Variants in ZC3H11A observed in about 807,000 individuals in gnomAD.
ZC3H11A encodes the protein zinc finger CCCH domain-containing protein 11A.
A neutral mutation model predicts 90.8 loss-of-function variants in ZC3H11A; 22 were observed. That is an observed-to-expected ratio of 0.24 (90% CI 0.17 to 0.35). The LOEUF (loss-of-function observed/expected upper bound fraction) is 0.35, where lower values mean the gene tolerates loss of function less well. ZC3H11A is among the 10% of genes least tolerant of loss of function. The probability of loss-of-function intolerance (pLI) is 1.00; values close to 1 mark genes in which losing one functional copy is unlikely to be tolerated. For missense variants in ZC3H11A, 701 were observed against 964.9 expected (o/e 0.73, Z 3.62); for synonymous variants, 294 against 339.8 (o/e 0.87, Z 1.48).
At chr1:203,814,199 C>G (rs556206507) in intron 2 of ZC3H11A, among the ~76,000 whole-genome samples, 1 of 152,120 alleles carries the variant, frequency 6.6e-6, no homozygotes, top group Non-Finnish European at 1.5e-5. Context: ...CCAACACAAC[C>G]CAATTCTAAG....
intron 12 of ZC3H11A, among the ~76,000 whole-genome samples, chr1:203,841,731 C>T (rs146606308): frequency 0.13 from 19,083 of 147,700 alleles, 1,570 homozygotes; most frequent in East Asian, 0.3. Context: ...ATAGGGCGGC[C>T]GGGCAGAGGC....
chr1:203,834,198 C>A, intron 10 of ZC3H11A: 1 of 493,918 alleles, frequency 2.0e-6, no homozygotes, highest in Non-Finnish European at 2.7e-6. Context: ...TCTTAGAATA[C>A]AGGAATCCCT....
intron 13 of ZC3H11A, 23 bp from the exon 14 acceptor site, chr1:203,848,308 T>G: frequency 6.3e-7 from 1 of 1,581,184 alleles, no homozygotes; most frequent in Non-Finnish European, 8.6e-7. Flanking sequence ...AAATAACTAA[T>G]GATGTCTTTA....
intron 2 of ZC3H11A, among the ~76,000 whole-genome samples, chr1:203,810,210 A>C (rs1673904194): frequency 6.6e-6 from 1 of 151,680 alleles, no homozygotes; most frequent in Admixed American, 6.6e-5. Flanking sequence ...TCCTGGTCTC[A>C]AGTGATCCTC....
At position 203,847,295 on chromosome 1, in the gene ZC3H11A, C is replaced by T; in HGVS notation, c.1154C>T (p.Pro385Leu). 1 of 1,613,744 alleles carries T rather than the reference C, an allele frequency of 6.2e-7. No homozygotes were observed. Among genetic ancestry groups the T allele is most frequent in the East Asian group, 2.2e-5 (1 of 44,858 alleles). Residue 385 changes from proline (P) to leucine (L), a missense_variant, in exon 13 of 18, where the codon CCT becomes CTT. Transcript: ENST00000367210. ...ELQTKLKTEG[P>L]SKTDDSTSGA... ...CAAACTAAACTCAAGACAGAAGGAC[C>T]TTCAAAAACTGATGATTCTACTTCA...
intron 12 of ZC3H11A, among the ~76,000 whole-genome samples, chr1:203,845,375 A>T (rs201514754): frequency 1.3e-5 from 2 of 152,138 alleles, no homozygotes; most frequent in East Asian, 3.8e-4. Context: ...AGAATTTGTG[A>T]TTTTTTATTA....
At position 203,848,413 on chromosome 1, in the gene ZC3H11A, T is replaced by C; in HGVS notation, c.1623+6T>C. The C allele has an allele frequency of 2.5e-6, 4 of 1,601,332 alleles. No homozygotes were observed. Among genetic ancestry groups the C allele is most frequent in the Non-Finnish European group, 3.4e-6 (4 of 1,174,156 alleles). ...TTAGAACAGAAGCTAAAGAGGTAAA[T>C]TTAAGATTATTGTATGGTTTTGTTC... On this transcript the variant is annotated splice_donor_region_variant and intron_variant, in intron 14 of 17. Transcript: ENST00000367210.
chr1:203,844,879 T>C (rs997651667), intron 12 of ZC3H11A, among the ~76,000 whole-genome samples: 1 of 152,210 alleles, frequency 6.6e-6, no homozygotes, highest in East Asian at 1.9e-4. Flanking sequence ...GGGATTTTCA[T>C]GCTCTACTTC....
chr1:203,833,726 A>G, intron 9 of ZC3H11A, 65 bp from the exon 10 acceptor site: 2 of 1,412,778 alleles, frequency 1.4e-6, no homozygotes, highest in South Asian at 1.2e-5. Context: ...CTTTGTACCC[A>G]TTAGTAGTTA....
At chr1:203,852,083 T>C in intron 17 of ZC3H11A, 58 bp from the exon 18 acceptor site, 10 of 1,606,048 alleles carry the variant, frequency 6.2e-6, no homozygotes, top group Non-Finnish European at 8.5e-6. Flanking sequence ...TGAGACTAGG[T>C]GATTCAGCCA....
chr1:203,806,235 A>C (rs1385210112), intron 2 of ZC3H11A: 4 of 363,544 alleles, frequency 1.1e-5, no homozygotes, highest in Admixed American at 3.8e-5. Context: ...GCGGAGCCTT[A>C]ATTTCACTTT....
intron 9 of ZC3H11A, 84 bp downstream of exon 9, chr1:203,831,855 T>G: frequency 1.8e-6 from 2 of 1,136,618 alleles, no homozygotes; most frequent in Non-Finnish European, 1.3e-6. Flanking sequence ...TCTTTTACCT[T>G]TGATGAATTT....
intron 4 of ZC3H11A, among the ~76,000 whole-genome samples, chr1:203,824,801 C>T (rs114878060): frequency 0.019 from 2,965 of 152,126 alleles, 100 homozygotes; most frequent in African/African-American, 0.063. Context: ...ATTGTTAGGC[C>T]GGACACGGTG....
chr1:203,821,918 C>T (rs1486330849), intron 4 of ZC3H11A, among the ~76,000 whole-genome samples: 2 of 152,102 alleles, frequency 1.3e-5, no homozygotes, highest in Admixed American at 6.5e-5. Context: ...CCACCACGCC[C>T]GGCTAATTTT....
chr1:203,829,332 A>C (rs1681527682), intron 5 of ZC3H11A, 119 bp from the exon 6 acceptor site: 1 of 1,019,512 alleles, frequency 9.8e-7, no homozygotes, highest in African/African-American at 1.6e-5. Context: ...TAAATGAGGA[A>C]ATTTAGTATA....
intron 2 of ZC3H11A, among the ~76,000 whole-genome samples, 170 bp from the exon 3 acceptor site, chr1:203,816,756 A>G (rs909152535): frequency 1.3e-5 from 2 of 152,190 alleles, no homozygotes; most frequent in African/African-American, 4.8e-5. Context: ...AAAATTTTAC[A>G]TTGTAGATGG....
intron 13 of ZC3H11A, among the ~76,000 whole-genome samples, 159 bp downstream of exon 13, chr1:203,847,846 C>G (rs994507827): frequency 6.6e-6 from 1 of 151,936 alleles, no homozygotes; most frequent in African/African-American, 2.4e-5. Flanking sequence ...CTATGTAGAC[C>G]TATGCTATTT....
intron 2 of ZC3H11A, among the ~76,000 whole-genome samples, chr1:203,806,487 G>C (rs1571950422): frequency 6.6e-6 from 1 of 152,210 alleles, no homozygotes; most frequent in East Asian, 1.9e-4. Context: ...TTTTTTAATA[G>C]AGATTAGGTT....
At chr1:203,825,240 A>C (rs1680135756) in intron 4 of ZC3H11A, among the ~76,000 whole-genome samples, 1 of 152,062 alleles carries the variant, frequency 6.6e-6, no homozygotes, top group South Asian at 2.1e-4. Context: ...CCAGAGGCCC[A>C]CAGGAACCCA....
Sources: gnomAD v4.1 joint callset for allele counts (sites outside exome capture counted in the v4.1 genomes callset) on GRCh38, gnomAD v4.1.1 for gene constraint, MANE v1.5 for transcripts, NCBI Gene and HGNC (gene_info 2026-07-23, HGNC 2026-07-21) for gene names.